CPAMD8: variants seen among roughly 807,000 people sequenced by gnomAD.
CPAMD8 encodes the protein C3 and PZP-like alpha-2-macroglobulin domain-containing protein 8.
CPAMD8 carries 146 observed loss-of-function variants against 224.7 expected under a neutral mutation model. The ratio of observed to expected loss-of-function variants is 0.65; its 90% CI spans 0.57 to 0.75. The LOEUF (loss-of-function observed/expected upper bound fraction) is 0.75. Ranked by LOEUF, CPAMD8 falls within the 30% of genes least tolerant of loss-of-function variation. The probability of loss-of-function intolerance (pLI) is 0.00; values close to 1 mark genes in which losing one functional copy is unlikely to be tolerated. For synonymous variants in CPAMD8, 966 were observed against 1,044.6 expected (o/e 0.92, Z 1.45); for missense variants, 2,301 against 2,537.5 (o/e 0.91, Z 2.00).
intron 1 of CPAMD8, 83 bp from the exon 2 acceptor site, chr19:17,022,264 C>A: frequency 6.8e-7 from 1 of 1,472,540 alleles, no homozygotes; most frequent in South Asian, 1.3e-5. Flanking sequence ...GGGCTCTCCT[C>A]GCAGCAGACT....
chr19:17,003,757 G>A (rs1422158886), intron 8 of CPAMD8, among the ~76,000 whole-genome samples: 4 of 148,260 alleles, frequency 2.7e-5, no homozygotes, highest in African/African-American at 1.0e-4. Flanking sequence ...CAGCCTGGGT[G>A]ATGGGTGTGA....
At chr19:17,024,795 G>T (rs1033624449) in intron 1 of CPAMD8, among the ~76,000 whole-genome samples, 2 of 152,230 alleles carry the variant, frequency 1.3e-5, no homozygotes, top group Non-Finnish European at 2.9e-5. Context: ...CCAGATTGGG[G>T]AAAGGGATGT....
intron 8 of CPAMD8, among the ~76,000 whole-genome samples, chr19:17,002,719 G>A (rs12977760): frequency 2.0e-5 from 3 of 151,626 alleles, no homozygotes; most frequent in Admixed American, 1.3e-4. Context: ...GCATCCCCAG[G>A]GTGACTGCAA....
chr19:16,946,321 G>A (rs548995079), intron 21 of CPAMD8, among the ~76,000 whole-genome samples: 1 of 150,268 alleles, frequency 6.7e-6, no homozygotes, highest in East Asian at 2.0e-4. Flanking sequence ...ATGTGCGTGT[G>A]TGGATTTGTT....
intron 3 of CPAMD8, among the ~76,000 whole-genome samples, chr19:17,018,679 G>C (rs2056872363): frequency 6.6e-6 from 1 of 150,688 alleles, no homozygotes; most frequent in South Asian, 2.1e-4. Flanking sequence ...TTTCAGACCA[G>C]TCTGGCCAAC....
chr19:16,973,146 G>A (rs147598754), intron 17 of CPAMD8, among the ~76,000 whole-genome samples: 1 of 152,264 alleles, frequency 6.6e-6, no homozygotes, highest in Non-Finnish European at 1.5e-5. Flanking sequence ...ACCAGCCTGG[G>A]TGACAAAGTG....
Position 16,947,204 on chromosome 19 carries a change from G to A in CPAMD8, c.2532C>T (p.Pro844=), listed in dbSNP as rs933145785. The change falls in exon 21 of 42, where the codon CCC becomes CCT. Residue 844 remains proline, a synonymous_variant. Transcript: ENST00000443236. ...GATGCCCAACAAACTGGATGCCCTT[G>A]GGAACCGAGAGCTTCATGTACACCT... The part of the protein sequence containing the change: ...CAEVYMKLSV[P]KGIQFVGHPG... The A allele has an allele frequency of 6.2e-7, 1 of 1,613,324 alleles. No individual in the cohort carries two copies. The highest frequency in any genetic ancestry group is 1.7e-5 in the Admixed American group (1 of 59,918).
chr19:16,920,535 C>A (rs989042648), intron 27 of CPAMD8, among the ~76,000 whole-genome samples: 6 of 151,158 alleles, frequency 4.0e-5, no homozygotes, highest in African/African-American at 1.5e-4. Context: ...GTTTAATCCC[C>A]GGAAGATGCT....
rs764332368 is a variant in CPAMD8 at position 16,896,605 on chromosome 19, C to A, written c.5126G>T (p.Arg1709Leu). 14 of 1,506,810 alleles carry A rather than the reference C, an allele frequency of 9.3e-6. No homozygotes were observed. The South Asian group carries it at 1.7e-4, about 19-fold the overall frequency. The allele number at this position is 1,506,810 out of a possible 1,614,324, so 93.3% of individuals were successfully genotyped here. ...VAPEEGAAIA[R>L]CGCDHDCGAQ... ...GCCGCAGTCGTGGTCGCAGCCGCAT[C>A]GCGCGATCGCCGCCCCCTCCTCAGG... The change falls in exon 40 of 42, where the codon CGA becomes CTA. Residue 1709 changes from arginine (R) to leucine (L), a missense_variant. Physicochemically the swap from Arg to Leu is moderately radical, Grantham distance 102. This residue lies in a region of CPAMD8 where 1,709 missense variants were observed against 1,753.2 expected (regional missense o/e 0.97). Transcript: ENST00000443236.
chr19:16,909,548 A>T (rs1040579633), intron 29 of CPAMD8, among the ~76,000 whole-genome samples: 1 of 152,010 alleles, frequency 6.6e-6, no homozygotes, highest in Non-Finnish European at 1.5e-5. Context: ...CATCTCAAAA[A>T]GGGAAAACAA....
At chr19:17,025,935 A>T (rs370037300) in intron 1 of CPAMD8, among the ~76,000 whole-genome samples, 1 of 152,124 alleles carries the variant, frequency 6.6e-6, no homozygotes, top group African/African-American at 2.4e-5. Flanking sequence ...GCCGCCTTCT[A>T]AACGCCCAGC....
At chr19:16,894,075 G>A (rs1391916031) in intron 41 of CPAMD8, 1 of 181,726 alleles carries the variant, frequency 5.5e-6, no homozygotes, top group Non-Finnish European at 1.2e-5. Flanking sequence ...GGAACAGAAT[G>A]TCAGGCTGTG....
Position 16,893,228 on chromosome 19 carries a change from A to G in CPAMD8, c.5538T>C (p.Ser1846=). 1.3e-6 allele frequency: 2 copies of G among 1,586,988 alleles called. No homozygotes were observed. Among genetic ancestry groups the G allele is most frequent in the Non-Finnish European group, 1.7e-6 (2 of 1,165,454 alleles). Residue 1846 remains serine, a synonymous_variant, in exon 42 of 42, where the codon AGT becomes AGC. Transcript: ENST00000443236. ...GCCTGTGGGCCCCCACCACCCGGCC[A>G]CTATGTCTCTGAGGGGCCGGAGTCT... is the stretch of plus-strand genomic sequence containing the variant. ...WGQTPAPQRH[S]GRVVGAHRPG...
At chr19:16,984,313 CAAAA>C (rs34428169) in intron 13 of CPAMD8, among the ~76,000 whole-genome samples, 1 of 85,234 alleles carries the variant, frequency 1.2e-5, no homozygotes. Flanking sequence ...GGTCCTATCT[CAAAA>C]AAAAAAAAAA....
At chr19:17,009,499 T>C in intron 5 of CPAMD8, 179 bp from the exon 6 acceptor site, 1 of 1,066,064 alleles carries the variant, frequency 9.4e-7, no homozygotes, top group Non-Finnish European at 1.3e-6. Flanking sequence ...AAAGACTCAT[T>C]ACAGGTGGCT....
At chr19:16,946,618 G>A (rs1428599344) in intron 21 of CPAMD8, among the ~76,000 whole-genome samples, 1 of 145,650 alleles carries the variant, frequency 6.9e-6, no homozygotes, top group African/African-American at 2.6e-5. Context: ...TGGATTTGTG[G>A]TGTGTGTATG....
chr19:17,021,694 T>A (rs146238844), intron 2 of CPAMD8, among the ~76,000 whole-genome samples: 1 of 152,122 alleles, frequency 6.6e-6, no homozygotes, highest in East Asian at 1.9e-4. Context: ...CAACAAAAGG[T>A]CAGAGGGGGG....
At chr19:17,000,219 A>C in intron 10 of CPAMD8, 195 bp downstream of exon 10, 1 of 455,208 alleles carries the variant, frequency 2.2e-6, no homozygotes, top group Non-Finnish European at 3.9e-6. Flanking sequence ...TTTTGGGGGC[A>C]AAGGCGAGAG....
At chr19:17,021,136 C>T (rs548844825) in intron 2 of CPAMD8, among the ~76,000 whole-genome samples, 32 of 152,224 alleles carry the variant, frequency 2.1e-4, no homozygotes, top group Non-Finnish European at 3.5e-4. Flanking sequence ...GGGACTTTAT[C>T]CAGCCATCTT....
Sources: allele counts gnomAD v4.1 joint callset (sites outside exome capture counted in the v4.1 genomes callset), GRCh38; gene constraint gnomAD v4.1.1; regional missense constraint gnomAD v4.1.1; transcripts MANE v1.5; gene names NCBI Gene and HGNC (gene_info 2026-07-23, HGNC 2026-07-21).